The following DPP6 variants were observed in gnomAD, a reference collection of about 807,000 sequenced individuals.
DPP6 encodes dipeptidyl peptidase like 6, also known as A-type potassium channel modulatory protein DPP6.
A neutral mutation model predicts 122.6 loss-of-function variants in DPP6; 69 were observed. The ratio of observed to expected loss-of-function variants is 0.56; its 90% confidence interval spans 0.46 to 0.69. DPP6 has a LOEUF of 0.69. Ranked by LOEUF, DPP6 falls within the 30% of genes least tolerant of loss-of-function variation. The pLI is 0.00. For missense variants in DPP6, 928 were observed against 1,116.9 expected (o/e 0.83, Z 2.41); for synonymous variants, 418 against 433.1 (o/e 0.97, Z 0.43).
rs112170000 is a variant in DPP6 at position 154,867,335 on chromosome 7, G to A, written c.1715-660G>A. Among the ~76,000 whole-genome samples the A allele has an allele frequency of 9.4e-3, 1,430 of 152,294 alleles. 31 individuals are homozygous for A. The highest frequency in any genetic ancestry group is 0.033 in the African/African-American group (1,352 of 41,560). On this transcript the variant is annotated intron_variant, in intron 17 of 25. Transcript: ENST00000377770. The stretch of plus-strand genomic sequence containing the variant: ...TAGATAACGAGGACGTGTGTGTGCT[G>A]TCGCGGCAGAGGCACAAAGGTCCAG...
chr7:153,995,056 G>C (rs2129043702), intron 1 of DPP6, among the ~76,000 whole-genome samples: 1 of 152,322 alleles, frequency 6.6e-6, no homozygotes, highest in Non-Finnish European at 1.5e-5. Flanking sequence ...CCTGCCTGGA[G>C]CAAAGGAATC....
intron 1 of DPP6, among the ~76,000 whole-genome samples, chr7:154,383,757 G>A (rs1476253334): frequency 1.3e-5 from 2 of 151,970 alleles, no homozygotes; most frequent in African/African-American, 4.8e-5. Context: ...AGGCATGGTG[G>A]TGCGTGCCTG....
At chr7:154,386,609 A>C (rs1489341824) in intron 1 of DPP6, among the ~76,000 whole-genome samples, 6 of 152,154 alleles carry the variant, frequency 3.9e-5, no homozygotes, top group Admixed American at 3.9e-4. Context: ...AGACCAGTCC[A>C]CCAGGAGGAT....
intron 16 of DPP6, among the ~76,000 whole-genome samples, chr7:154,822,695 C>T (rs927667238): frequency 3.9e-5 from 6 of 152,190 alleles, no homozygotes; most frequent in Admixed American, 2.0e-4. Flanking sequence ...TCATCCACAC[C>T]TCTGCTCACA....
intron 5 of DPP6, among the ~76,000 whole-genome samples, chr7:154,574,702 TGTGTGTGTATGTGTGTGTGGGGTGTAC>T (rs1490749300): frequency 7.6e-6 from 1 of 132,162 alleles, no homozygotes; most frequent in Non-Finnish European, 1.6e-5. Context: ...ATGTGTGTGG[TGTGTGTGTATGTGTGTGTGGGGTGTAC>T]GTGTGTGGTG....
intron 7 of DPP6, among the ~76,000 whole-genome samples, chr7:154,694,799 T>A (rs1840125459): frequency 6.6e-6 from 1 of 152,100 alleles, no homozygotes; most frequent in Non-Finnish European, 1.5e-5. Flanking sequence ...CCCAGGACAT[T>A]CATGCTGATA....
At chr7:154,733,518 C>T (rs1842436056) in intron 8 of DPP6, among the ~76,000 whole-genome samples, 1 of 152,178 alleles carries the variant, frequency 6.6e-6, no homozygotes, top group Non-Finnish European at 1.5e-5. Flanking sequence ...TTTTCTGTTC[C>T]AATGAAGTGC....
the DPP6 span, among the ~76,000 whole-genome samples, chr7:153,764,966 C>A: frequency 6.6e-6 from 1 of 152,198 alleles, no homozygotes; most frequent in African/African-American, 2.4e-5. Flanking sequence ...GGCTCTGTGA[C>A]GCCGAATGGC....
At chr7:153,900,805 C>T (rs950640883) in intron 1 of DPP6, among the ~76,000 whole-genome samples, 1 of 152,124 alleles carries the variant, frequency 6.6e-6, no homozygotes, top group African/African-American at 2.4e-5. Context: ...TATTTTCAGC[C>T]TTATCCGTAG....
intron 2 of DPP6, among the ~76,000 whole-genome samples, chr7:154,469,912 G>A (rs1586369005): frequency 6.6e-6 from 1 of 152,118 alleles, no homozygotes; most frequent in Non-Finnish European, 1.5e-5. Flanking sequence ...CATCGCTGAC[G>A]GAACAGGCTG....
intron 5 of DPP6, among the ~76,000 whole-genome samples, chr7:154,619,438 T>C (rs1757660606): frequency 1.3e-5 from 2 of 152,188 alleles, no homozygotes; most frequent in African/African-American, 2.4e-5. Flanking sequence ...ATTGTGATAA[T>C]GAAAAGAATG....
intron 1 of DPP6, among the ~76,000 whole-genome samples, chr7:153,989,075 A>G (rs1180923705): frequency 1.3e-5 from 2 of 150,558 alleles, no homozygotes; most frequent in Non-Finnish European, 3.0e-5. Context: ...CTTCAGGGAC[A>G]GCGCCCGCGA....
intron 6 of DPP6, among the ~76,000 whole-genome samples, chr7:154,666,200 T>TATGTGTGTATATATATATATAC (rs1302353081): frequency 9.8e-6 from 1 of 102,504 alleles, no homozygotes; most frequent in African/African-American, 3.0e-5. Context: ...TATATATATA[T>TATGTGTGTATATATATATATAC]ACACATATAC....
intron 1 of DPP6, among the ~76,000 whole-genome samples, chr7:154,206,485 C>T (rs1202587678): frequency 6.6e-6 from 1 of 152,176 alleles, no homozygotes; most frequent in Non-Finnish European, 1.5e-5. Flanking sequence ...GTCATAACAG[C>T]TCGCAAAGCA....
intron 1 of DPP6, among the ~76,000 whole-genome samples, chr7:153,941,063 T>C (rs920714416): frequency 1.3e-5 from 2 of 152,300 alleles, no homozygotes; most frequent in Admixed American, 6.5e-5. Flanking sequence ...GATTTTATAC[T>C]GTGAATGTTT....
At chr7:153,887,031 C>T (rs1427195866), upstream of DPP6, 4 of 152,332 alleles carry the variant, frequency 2.6e-5, no homozygotes, top group Non-Finnish European at 4.4e-5. Flanking sequence ...GAGGGGCTGC[C>T]CTCGTTACCC....
chr7:154,487,776 C>T (rs1310239418), intron 3 of DPP6, among the ~76,000 whole-genome samples: 2 of 152,188 alleles, frequency 1.3e-5, no homozygotes, highest in African/African-American at 4.8e-5. Flanking sequence ...CCATGGTAAC[C>T]TGCTAGGGTC....
Position 154,080,957 on chromosome 7 carries a change from C to G in DPP6, c.243+27894C>G, listed in dbSNP as rs188382082. Among the ~76,000 whole-genome samples, 254 of 152,250 alleles carry G rather than the reference C, an allele frequency of 1.7e-3. 1 individual carries two copies. The highest frequency in any genetic ancestry group is 6.0e-3 in the African/African-American group (250 of 41,558). Reference sequence around the variant, plus strand: ...TGAGATGTGTATTACCTTCTGCTCTCTGTATGTAAAACAGCTGAAGCTAAA... The same window carrying G: ...TGAGATGTGTATTACCTTCTGCTCTGTGTATGTAAAACAGCTGAAGCTAAA... On this transcript the variant is annotated intron_variant, in intron 1 of 25. Transcript: ENST00000377770.
At chr7:153,817,736 G>A in the DPP6 span, among the ~76,000 whole-genome samples, 13 of 139,428 alleles carry the variant, frequency 9.3e-5, no homozygotes, top group Non-Finnish European at 1.2e-4. Flanking sequence ...TGGACACAGG[G>A]TGGGGAACAT....
Sources: allele counts gnomAD v4.1 joint callset (sites outside exome capture counted in the v4.1 genomes callset), GRCh38; gene constraint gnomAD v4.1.1; transcripts MANE v1.5; gene names NCBI Gene and HGNC (gene_info 2026-07-23, HGNC 2026-07-21).